HDAC4: variants seen among roughly 807,000 people sequenced by gnomAD.
HDAC4 encodes histone deacetylase 4, also known as histone deacetylase A.
Under a neutral mutation model 135.1 loss-of-function variants are expected in HDAC4, and 16 were observed. That is an observed-to-expected ratio of 0.12 (90% CI 0.08 to 0.18). The LOEUF (loss-of-function observed/expected upper bound fraction) is 0.18, where lower values mean the gene tolerates loss of function less well. HDAC4 is among the 10% of genes least tolerant of loss of function. HDAC4 has a pLI of 1.00. For missense variants in HDAC4, 1,143 were observed against 1,511.8 expected (o/e 0.76, Z 4.05); for synonymous variants, 685 against 653.4 (o/e 1.05, Z -0.74).
chr2:239,357,744 C>T (rs1173199364), intron 1 of HDAC4, among the ~76,000 whole-genome samples: 2 of 150,840 alleles, frequency 1.3e-5, no homozygotes, highest in Admixed American at 6.6e-5. Flanking sequence ...AAAAAATAAG[C>T]TGGGCATGGT....
chr2:239,201,704 G>A (rs1404636556), intron 3 of HDAC4, among the ~76,000 whole-genome samples: 1 of 152,188 alleles, frequency 6.6e-6, no homozygotes, highest in Admixed American at 6.5e-5. Context: ...GAGAGGGGAA[G>A]CCCGGCCAAG....
chr2:239,356,150 CAT>C (rs1162368266), intron 1 of HDAC4, among the ~76,000 whole-genome samples: 7 of 152,274 alleles, frequency 4.6e-5, no homozygotes, highest in Admixed American at 3.3e-4. Context: ...AAAAACATCA[CAT>C]AGTTTTAAAA....
chr2:239,258,922 C>G (rs973048683), intron 2 of HDAC4, among the ~76,000 whole-genome samples: 1 of 152,106 alleles, frequency 6.6e-6, no homozygotes, highest in Admixed American at 6.5e-5. Context: ...ATGCTTTTCA[C>G]AAGGAAATAT....
At chr2:239,223,971 A>G (rs925994604) in intron 3 of HDAC4, among the ~76,000 whole-genome samples, 1 of 152,064 alleles carries the variant, frequency 6.6e-6, no homozygotes, top group East Asian at 1.9e-4. Flanking sequence ...TGCCCAGCGC[A>G]GGCCCCTCCC....
intron 18 of HDAC4, among the ~76,000 whole-genome samples, chr2:239,087,892 C>T (rs2036138351): frequency 6.6e-6 from 1 of 152,088 alleles, no homozygotes; most frequent in East Asian, 1.9e-4. Flanking sequence ...ACTCTCAGAA[C>T]TGTCGGTGAG....
intron 2 of HDAC4, among the ~76,000 whole-genome samples, chr2:239,281,235 C>T (rs2050717619): frequency 6.8e-6 from 1 of 146,082 alleles, no homozygotes; most frequent in Non-Finnish European, 1.5e-5. Context: ...ACAATGTACA[C>T]ACCACTCTCC....
At chr2:239,055,937 A>G (rs954294392) in intron 24 of HDAC4, among the ~76,000 whole-genome samples, 1 of 152,172 alleles carries the variant, frequency 6.6e-6, no homozygotes, top group Non-Finnish European at 1.5e-5. Flanking sequence ...AGGACGGGTG[A>G]GCGAGGACAG....
At chr2:239,192,767 G>A (rs1360850214) in intron 3 of HDAC4, among the ~76,000 whole-genome samples, 2 of 152,192 alleles carry the variant, frequency 1.3e-5, no homozygotes, top group African/African-American at 2.4e-5. Flanking sequence ...AGGTGAGCGG[G>A]CCCGTGCTTT....
At chr2:239,261,724 C>G (rs570690757) in intron 2 of HDAC4, among the ~76,000 whole-genome samples, 12 of 152,078 alleles carry the variant, frequency 7.9e-5, no homozygotes, top group Non-Finnish European at 1.6e-4. Flanking sequence ...AGATGGTGGC[C>G]CAGGCCCACG....
chr2:239,341,220 A>G (rs1692277659), intron 2 of HDAC4, among the ~76,000 whole-genome samples: 1 of 152,242 alleles, frequency 6.6e-6, no homozygotes, highest in Non-Finnish European at 1.5e-5. Flanking sequence ...CACAAAAACA[A>G]GGCAGTGCTA....
chr2:239,148,158 A>G (rs1199448495), intron 7 of HDAC4, among the ~76,000 whole-genome samples: 1 of 152,216 alleles, frequency 6.6e-6, no homozygotes, highest in Non-Finnish European at 1.5e-5. Context: ...AGAACTGCAG[A>G]GAGAAGGAGG....
chr2:239,081,758 G>A (rs554868972), intron 21 of HDAC4, among the ~76,000 whole-genome samples: 24 of 152,328 alleles, frequency 1.6e-4, no homozygotes, highest in Admixed American at 1.2e-3. Flanking sequence ...ACAGTGGACA[G>A]AGCCCCTTGC....
chr2:239,115,244 G>C lies in HDAC4; in HGVS notation c.1600C>G (p.Leu534Val). 1 of 1,612,892 alleles carries C rather than the reference G, an allele frequency of 6.2e-7. No individual in the cohort carries two copies. The highest frequency in any genetic ancestry group is 8.5e-7 in the Non-Finnish European group (1 of 1,179,738). The change falls in exon 13 of 27, where the codon CTC (leucine) becomes GTC (valine). Residue 534 changes from leucine to valine, a missense_variant. Coordinates refer to ENST00000543185, the MANE Select transcript of HDAC4 (RefSeq NM_001378414.1). This position sits in a 1 kb window ranked among gnomAD's most constrained non-coding sequence, Gnocchi z 6.3. ...ESHPEETEEE[L>V]REHQALLDEP... ...TCCAGCAGAGCCTGGTGCTCACGGA[G>C]CTCCTCCTCCGTCTCCTCCGGGTGG... is the stretch of plus-strand genomic sequence containing the variant.
chr2:239,228,321 G>C (rs575232987), intron 3 of HDAC4, among the ~76,000 whole-genome samples: 3 of 152,194 alleles, frequency 2.0e-5, no homozygotes, highest in South Asian at 2.1e-4. Flanking sequence ...CCAGGCCTTG[G>C]AGCAACTCAG....
intron 7 of HDAC4, among the ~76,000 whole-genome samples, chr2:239,148,441 G>A (rs6717473): frequency 6.6e-6 from 1 of 152,100 alleles, no homozygotes; most frequent in Non-Finnish European, 1.5e-5. Flanking sequence ...TCCAGCTGAA[G>A]AGGAGCTGGA....
At chr2:239,143,807 C>T (rs2041569550) in intron 8 of HDAC4, among the ~76,000 whole-genome samples, 3 of 152,246 alleles carry the variant, frequency 2.0e-5, no homozygotes, top group Admixed American at 1.3e-4. Context: ...TTTCACAGAC[C>T]ACCTACCATG....
intron 9 of HDAC4, among the ~76,000 whole-genome samples, chr2:239,134,956 T>C (rs2040846932): frequency 6.6e-6 from 1 of 152,254 alleles, no homozygotes. Context: ...TCTAGGCTAA[T>C]ATAGTTTACA....
intron 18 of HDAC4, among the ~76,000 whole-genome samples, chr2:239,088,864 A>G (rs2036235568): frequency 1.3e-5 from 2 of 152,172 alleles, no homozygotes; most frequent in South Asian, 4.1e-4. Flanking sequence ...GATGGGGGTG[A>G]TATTAATGGT....
intron 22 of HDAC4, among the ~76,000 whole-genome samples, chr2:239,072,665 C>T (rs190482482): frequency 8.9e-4 from 136 of 152,362 alleles, no homozygotes; most frequent in Middle Eastern, 3.4e-3. Context: ...AGAAACATCA[C>T]GGCAGACGGC....
Sources: gnomAD v4.1 joint callset for allele counts (sites outside exome capture counted in the v4.1 genomes callset) on GRCh38, gnomAD v4.1.1 for gene constraint, Gnocchi (gnomAD v3.1) non-coding constraint, MANE v1.5 for transcripts, NCBI Gene and HGNC (gene_info 2026-07-23, HGNC 2026-07-21) for gene names.